Variants in PECAM1 observed in about 807,000 individuals in gnomAD.
The protein encoded by PECAM1 is platelet and endothelial cell adhesion molecule 1.
In PECAM1, 8 loss-of-function variants were observed where a neutral mutation model predicts 13.8. That is an observed-to-expected ratio of 0.58 (90% CI 0.34 to 1.05). The LOEUF (loss-of-function observed/expected upper bound fraction) is 1.05, where lower values mean the gene tolerates loss of function less well. Among genes scored for constraint, PECAM1 ranks in the 50% least tolerant of loss-of-function variants. The probability of loss-of-function intolerance (pLI) is 0.03; values close to 1 mark genes in which losing one functional copy is unlikely to be tolerated. For synonymous variants in PECAM1, 136 were observed against 52.6 expected (o/e 2.58, Z -6.86); for missense variants, 304 against 141.2 (o/e 2.15, Z -5.84).
At chr17:64,338,239 ATTTT>A (rs149206249) in intron 14 of PECAM1, among the ~76,000 whole-genome samples, 61 of 108,814 alleles carry the variant, frequency 5.6e-4, no homozygotes, top group African/African-American at 1.4e-3. Flanking sequence ...ATTTTTTAAA[ATTTT>A]TTTTTTTTTT....
intron 7 of PECAM1, among the ~76,000 whole-genome samples, chr17:64,357,661 G>T (rs1015351711): frequency 6.6e-6 from 1 of 152,252 alleles, no homozygotes; most frequent in South Asian, 2.1e-4. Context: ...CCAGCTGTCT[G>T]CCCTAAGCCT....
intron 13 of PECAM1, among the ~76,000 whole-genome samples, chr17:64,345,440 T>C (rs2143749768): frequency 6.6e-6 from 1 of 152,194 alleles, no homozygotes; most frequent in Non-Finnish European, 1.5e-5. Context: ...AGGCCAGGCC[T>C]GGTGGTTCAC....
At chr17:64,344,261 G>A (rs2035507627) in intron 13 of PECAM1, among the ~76,000 whole-genome samples, 1 of 151,974 alleles carries the variant, frequency 6.6e-6, no homozygotes, top group Admixed American at 6.6e-5. Flanking sequence ...TGATGGGTGG[G>A]CAGGCAGAGT....
intron 9 of PECAM1, among the ~76,000 whole-genome samples, chr17:64,353,937 TCTC>T (rs1285716636): frequency 9.5e-6 from 1 of 105,222 alleles, no homozygotes; most frequent in African/African-American, 2.7e-5. Flanking sequence ...TTCCTCTCTC[TCTC>T]TTTTTTTTTT....
At chr17:64,353,306 T>TACACAC (rs138867178) in intron 10 of PECAM1, among the ~76,000 whole-genome samples, 185 bp downstream of exon 10, 989 of 28,356 alleles carry the variant, frequency 0.035, 11 homozygotes, top group Middle Eastern at 0.08. Flanking sequence ...TCCACGGAGG[T>TACACAC]ACACACACAC....
At chr17:64,335,402 GA>G (rs1283100478) in intron 14 of PECAM1, among the ~76,000 whole-genome samples, 100 of 142,022 alleles carry the variant, frequency 7.0e-4, no homozygotes, top group South Asian at 8.9e-4. Flanking sequence ...GACCCTGTCT[GA>G]AAAAAAAAAA....
At chr17:64,330,160 C>A (rs782423808) in intron 14 of PECAM1, among the ~76,000 whole-genome samples, 1 of 151,840 alleles carries the variant, frequency 6.6e-6, no homozygotes, top group Non-Finnish European at 1.5e-5. Flanking sequence ...GGACTACAGG[C>A]GCACACCACC....
chr17:64,369,729 C>T (rs1188650784), intron 5 of PECAM1, 21 bp downstream of exon 5: 3 of 398,554 alleles, frequency 7.5e-6, no homozygotes, highest in Non-Finnish European at 1.3e-5. Context: ...TGCCAACACC[C>T]TCCCGCAGCA....
intron 14 of PECAM1, among the ~76,000 whole-genome samples, chr17:64,336,288 AAG>A (rs2035275065): frequency 6.6e-6 from 1 of 151,206 alleles, no homozygotes; most frequent in Non-Finnish European, 1.5e-5. Context: ...AAAAGAAAGA[AAG>A]AAAGAAAGAA....
chr17:64,347,287 G>C (rs1212863643), intron 13 of PECAM1, among the ~76,000 whole-genome samples: 1 of 152,006 alleles, frequency 6.6e-6, no homozygotes, highest in East Asian at 1.9e-4. Context: ...GGAGGCTGAG[G>C]GGGGTGGATC....
chr17:64,329,909 T>C (rs2035059897), intron 14 of PECAM1, among the ~76,000 whole-genome samples, 187 bp from the exon 15 acceptor site: 1 of 152,162 alleles, frequency 6.6e-6, no homozygotes, highest in African/African-American at 2.4e-5. Context: ...CGGGACCCTC[T>C]AGCTCCACAT....
chr17:64,386,403 C>CAAAA (rs59994359), intron 2 of PECAM1, among the ~76,000 whole-genome samples: 7 of 113,114 alleles, frequency 6.2e-5, no homozygotes, highest in African/African-American at 1.9e-4. Context: ...GAGACTCTGT[C>CAAAA]AAAAAAAAAA....
Position 64,321,909 on chromosome 17 carries a change from T to G in PECAM1, c.*1907A>C. The G allele has an allele frequency of 7.4e-7, 1 of 1,343,240 alleles. No homozygotes were observed. The highest frequency in any genetic ancestry group is 1.1e-5 in the South Asian group (1 of 87,814). 83.2% of individuals were successfully genotyped at this position (1,343,240 alleles called of 1,614,324 possible). A position where few individuals can be genotyped will look rare whatever the true frequency, so the allele number is the denominator to read the frequency against. ...ACTCCCTGGACACAGGGGATCTGGC[T>G]GTCCCCAGATCATCAACAGAGACAT... On this transcript the variant is annotated 3_prime_UTR_variant, in exon 16 of 16. Transcript: ENST00000563924.
At chr17:64,387,564 C>T (rs918224139) in intron 2 of PECAM1, among the ~76,000 whole-genome samples, 10 of 151,944 alleles carry the variant, frequency 6.6e-5, no homozygotes, top group African/African-American at 2.4e-4. Context: ...TGCACGTAGG[C>T]GTGGGGTCCT....
chr17:64,347,649 AAAAT>A (rs2035608372), intron 13 of PECAM1, among the ~76,000 whole-genome samples: 1 of 130,802 alleles, frequency 7.6e-6, no homozygotes, highest in African/African-American at 2.7e-5. Context: ...AAAATATTAT[AAAAT>A]ATATATTATA....
At chr17:64,380,763 C>T (rs1267831015) in intron 2 of PECAM1, among the ~76,000 whole-genome samples, 2 of 152,052 alleles carry the variant, frequency 1.3e-5, no homozygotes. Flanking sequence ...GTAATCCCAG[C>T]ACTGTGGGAG....
In PECAM1 at chr17:64,321,368, A is replaced by G; in HGVS notation, c.*2448T>C. The G allele has an allele frequency of 1.1e-6, 1 of 930,252 alleles. No individual in the cohort carries two copies. Among genetic ancestry groups the G allele is most frequent in the Non-Finnish European group, 1.3e-6 (1 of 779,384 alleles). The allele number at this position is 930,252 out of a possible 1,614,324, so 57.6% of individuals were successfully genotyped here. ...TAAAGCCAGCGTCCTGGATTCAGAC[A>G]GACCTTTTAGCCATTAAATCCACTA... On this transcript the variant is annotated 3_prime_UTR_variant, in exon 16 of 16. Coordinates refer to ENST00000563924, the MANE Select transcript of PECAM1 (RefSeq NM_000442.5).
chr17:64,360,461 C>A, intron 6 of PECAM1, 46 bp from the exon 7 acceptor site: 1 of 468,942 alleles, frequency 2.1e-6, no homozygotes, highest in East Asian at 3.1e-5. Flanking sequence ...AAGGTAAAAG[C>A]AAAGCATCCA....
rs1405953837 is a variant in PECAM1, at chr17:64,322,646, C to T, written c.*1170G>A. The T allele has an allele frequency of 1.0e-6, 1 of 985,288 alleles. No homozygotes were observed. Among genetic ancestry groups the T allele is most frequent in the Non-Finnish European group, 1.2e-6 (1 of 829,908 alleles). 61.0% of individuals were successfully genotyped at this position (985,288 alleles called of 1,614,324 possible). On this transcript the variant is annotated 3_prime_UTR_variant, in exon 16 of 16. Transcript: ENST00000563924. ...CCACAGCGCAATGACAGCAGCCTCT[C>T]TCCCACCCACTCAAGACACTGTCAG...
Sources: allele counts gnomAD v4.1 joint callset (sites outside exome capture counted in the v4.1 genomes callset), GRCh38; gene constraint gnomAD v4.1.1; transcripts MANE v1.5; gene names NCBI Gene and HGNC (gene_info 2026-07-23, HGNC 2026-07-21).